The following EMSY variants were observed in gnomAD, a reference collection of about 807,000 sequenced individuals.
EMSY encodes BRCA2-interacting transcriptional repressor EMSY.
Under a neutral mutation model 134.6 loss-of-function variants are expected in EMSY, and 26 were observed. The observed-to-expected ratio is 0.19, with a 90% CI of 0.14 to 0.27. The LOEUF is 0.27. Among genes scored for constraint, EMSY ranks in the 10% least tolerant of loss-of-function variants. The pLI is 1.00. For missense variants in EMSY, 1,305 were observed against 1,611.4 expected (o/e 0.81, Z 3.26); for synonymous variants, 579 against 577.8 (o/e 1.00, Z -0.03).
chr11:76,472,589 GCTCAACC>G lies in EMSY; in HGVS notation c.858_864del (p.Thr288CysfsTer34). 1 of 1,613,982 alleles carries G rather than the reference GCTCAACC, an allele frequency of 6.2e-7. No homozygotes were observed. Among genetic ancestry groups the G allele is most frequent in the Non-Finnish European group, 8.5e-7 (1 of 1,179,924 alleles). On this transcript the variant is annotated frameshift_variant, in exon 8 of 21. Coordinates refer to ENST00000334736, the Ensembl canonical transcript of EMSY. LOFTEE classifies it high-confidence loss of function. ...GTTATTATAGTCACCACATCACCAA[GCTCAACC>G]TTCGTGCCCAACATTCTCTCCAAAT... is the stretch of plus-strand genomic sequence containing the variant.
intron 9 of EMSY, among the ~76,000 whole-genome samples, chr11:76,512,122 A>G (rs531575720): frequency 6.6e-6 from 1 of 152,224 alleles, no homozygotes; most frequent in Non-Finnish European, 1.5e-5. Flanking sequence ...GTTGTCTATA[A>G]CAACATATTT....
chr11:76,519,610 G>A (rs1017501467), intron 11 of EMSY, among the ~76,000 whole-genome samples: 13 of 152,070 alleles, frequency 8.5e-5, no homozygotes, highest in African/African-American at 2.4e-4. Flanking sequence ...TTTTTCATTC[G>A]TTCATTCTTT....
chr11:76,496,501 T>C (rs1383862622), intron 9 of EMSY, 32 bp downstream of exon 10: 1 of 1,607,532 alleles, frequency 6.2e-7, no homozygotes. Context: ...GATATGGTAA[T>C]TCTTCTTTAT....
chr11:76,492,914 C>A (rs573242889), intron 8 of EMSY, among the ~76,000 whole-genome samples: 1 of 152,272 alleles, frequency 6.6e-6, no homozygotes, highest in East Asian at 1.9e-4. Context: ...AATCAGCATG[C>A]ACTTCCTCCC....
rs1951792914 is a variant in EMSY at position 76,550,065 on chromosome 11, A to G, written c.3888A>G (p.Thr1296=). The change falls in exon 21 of 21, where the codon ACA becomes ACG. Residue 1296 remains threonine, a synonymous_variant. Coordinates refer to ENST00000334736, the Ensembl canonical transcript of EMSY. ...GTCAACAGCTGGATGATGAGGAGAC[A>G]GCAATGGAGCAGGACATAGACAGTA... 3 of 1,613,872 alleles carry G rather than the reference A, an allele frequency of 1.9e-6. No individual in the cohort carries two copies. The African/African-American group carries it at 4.0e-5, about 22-fold the overall frequency.
intron 6 of EMSY, among the ~76,000 whole-genome samples, chr11:76,463,177 T>C (rs1458952233): frequency 6.6e-6 from 1 of 151,654 alleles, no homozygotes; most frequent in Non-Finnish European, 1.5e-5. Flanking sequence ...ATTAGCTGAC[T>C]GTGGTGGCGG....
intron 10 of EMSY, among the ~76,000 whole-genome samples, chr11:76,514,775 C>G (rs1275070457): frequency 6.6e-6 from 1 of 152,160 alleles, no homozygotes; most frequent in East Asian, 1.9e-4. Flanking sequence ...AAGTCCCTGG[C>G]ATCACCATTC....
intron 1 of EMSY, among the ~76,000 whole-genome samples, 153 bp from the exon 2 acceptor site, chr11:76,446,747 C>G (rs1947429630): frequency 6.6e-6 from 1 of 152,154 alleles, no homozygotes. Flanking sequence ...CTTGATTTCT[C>G]AAAAGTTGGA....
intron 8 of EMSY, among the ~76,000 whole-genome samples, chr11:76,491,739 C>T (rs539565766): frequency 1.8e-4 from 27 of 152,344 alleles, no homozygotes; most frequent in African/African-American, 6.3e-4. Flanking sequence ...TGGGTTATCC[C>T]GTGAACTCTT....
exon 9 of EMSY, chr11:76,496,381 G>A (rs138783195): frequency 3.9e-5 from 63 of 1,613,986 alleles, no homozygotes; most frequent in Non-Finnish European, 4.8e-5. Context: ...AAGTGGCCCA[G>A]CCTTCTCCAG....
At chr11:76,552,480 G>C (rs928121149), downstream of EMSY, 1 of 152,082 alleles carries the variant, frequency 6.6e-6, no homozygotes, top group African/African-American at 2.4e-5. Flanking sequence ...TCATCTCTTT[G>C]AAGGATATTA....
In EMSY at chr11:76,459,796, G is replaced by A. The variant is rs548110806; in HGVS notation, c.422-140G>A. 37 of 851,706 alleles carry A rather than the reference G, an allele frequency of 4.3e-5. No homozygotes were observed. The African/African-American group carries it at 5.9e-4, about 14-fold the overall frequency. 52.8% of individuals were successfully genotyped at this position (851,706 alleles called of 1,614,324 possible). On this transcript the variant is annotated intron_variant, in intron 5 of 20. Transcript: ENST00000334736. ...GGTTATTAATGCCTTTTAATCTGTGGACCTAATACCTAGTACTGGCCTCTG... is the reference window on the plus strand; with the variant it reads ...GGTTATTAATGCCTTTTAATCTGTGAACCTAATACCTAGTACTGGCCTCTG...
chr11:76,465,618 A>T (rs1948320948), intron 7 of EMSY, among the ~76,000 whole-genome samples: 1 of 149,088 alleles, frequency 6.7e-6, no homozygotes, highest in Non-Finnish European at 1.5e-5. Context: ...AAAAAAAAGC[A>T]TCCTACTCTT....
At chr11:76,488,004 G>T (rs997265998) in intron 8 of EMSY, among the ~76,000 whole-genome samples, 3 of 152,028 alleles carry the variant, frequency 2.0e-5, no homozygotes, top group Non-Finnish European at 4.4e-5. Context: ...TTTAAAAAAT[G>T]TTCTTTGAAC....
chr11:76,463,602 C>T (rs1948222976), intron 6 of EMSY, among the ~76,000 whole-genome samples: 1 of 142,002 alleles, frequency 7.0e-6, no homozygotes, highest in Non-Finnish European at 1.5e-5. Context: ...CGCAGTCCGG[C>T]CTGGGTGACA....
chr11:76,526,413 T>A (rs984472329), intron 12 of EMSY, 49 bp from the exon 14 acceptor site: 4 of 1,361,096 alleles, frequency 2.9e-6, no homozygotes, highest in Non-Finnish European at 9.9e-7. Context: ...GAGGACTTTA[T>A]CATTTATATG....
intron 14 of EMSY, among the ~76,000 whole-genome samples, chr11:76,531,949 G>T (rs911009259): frequency 6.6e-6 from 1 of 152,126 alleles, no homozygotes; most frequent in African/African-American, 2.4e-5. Context: ...CCAAGGAAGA[G>T]AAATTTTTAT....
Position 76,447,144 on chromosome 11 carries a change from T to C in EMSY, c.70+136T>C, listed in dbSNP as rs544721487. The C allele has an allele frequency of 1.0e-5, 8 of 777,748 alleles. No individual in the cohort carries two copies. The East Asian group carries it at 2.2e-4, about 22-fold the overall frequency. 48.2% of individuals were successfully genotyped at this position (777,748 alleles called of 1,614,324 possible). A position where few individuals can be genotyped will look rare whatever the true frequency, so the allele number is the denominator to read the frequency against. On this transcript the variant is annotated intron_variant, in intron 2 of 20. Transcript: ENST00000334736. ...TTTGGAGATACAGTTCCCATCTTAC[T>C]CATTGTTGTTTCCCTCAGTGCCTAA...
At chr11:76,505,205 C>T (rs117269258) in intron 9 of EMSY, among the ~76,000 whole-genome samples, 4 of 152,050 alleles carry the variant, frequency 2.6e-5, no homozygotes, top group Non-Finnish European at 5.9e-5. Flanking sequence ...AAAATTCGGC[C>T]GGGAGCGGTG....
Sources: allele counts gnomAD v4.1 joint callset (sites outside exome capture counted in the v4.1 genomes callset), GRCh38; gene constraint gnomAD v4.1.1; transcripts MANE v1.5; gene names NCBI Gene and HGNC (gene_info 2026-07-23, HGNC 2026-07-21).